Variants in DOCK3 observed in about 807,000 individuals in gnomAD.
DOCK3 encodes dedicator of cytokinesis 3.
Under a neutral mutation model 265.6 loss-of-function variants are expected in DOCK3, and 60 were observed. The observed-to-expected ratio is 0.23, with a 90% confidence interval of 0.18 to 0.28. DOCK3 has a LOEUF of 0.28. DOCK3 is among the 10% of genes least tolerant of loss of function. The pLI is 1.00. For synonymous variants in DOCK3, 881 were observed against 938.0 expected, an observed-to-expected ratio of 0.94 and a Z score of 1.11; for missense variants, 1,981 against 2,594.3, an observed-to-expected ratio of 0.76 and a Z score of 5.14.
intron 40 of DOCK3, 144 bp downstream of exon 40, chr3:51,350,536 T>A (rs1030373552): frequency 7.3e-5 from 65 of 886,066 alleles, no homozygotes; most frequent in Admixed American, 1.2e-4. Flanking sequence ...GCATTTGGTT[T>A]TATTTGACTG....
intron 1 of DOCK3, among the ~76,000 whole-genome samples, chr3:50,763,594 T>C (rs1020033271): frequency 1.3e-5 from 2 of 152,204 alleles, no homozygotes; most frequent in African/African-American, 2.4e-5. Context: ...CTATTTCTTC[T>C]TGAGTCAGTT....
intron 2 of DOCK3, among the ~76,000 whole-genome samples, chr3:50,832,904 T>A (rs998259197): frequency 6.6e-6 from 1 of 152,120 alleles, no homozygotes; most frequent in African/African-American, 2.4e-5. Context: ...TCAACAAAGG[T>A]GATATCTGGA....
At chr3:51,080,460 A>T (rs887941220) in intron 7 of DOCK3, among the ~76,000 whole-genome samples, 2 of 152,204 alleles carry the variant, frequency 1.3e-5, no homozygotes, top group Non-Finnish European at 2.9e-5. Flanking sequence ...TACAACCCTA[A>T]TAGAGGTGAT....
intron 1 of DOCK3, among the ~76,000 whole-genome samples, chr3:50,712,391 G>A (rs1178593135): frequency 6.6e-6 from 1 of 152,168 alleles, no homozygotes; most frequent in Admixed American, 6.5e-5. Context: ...AGGCTGTAGT[G>A]CAGTGGCATG....
intron 5 of DOCK3, among the ~76,000 whole-genome samples, chr3:51,001,991 G>A (rs568812645): frequency 6.6e-6 from 1 of 152,066 alleles, no homozygotes; most frequent in Non-Finnish European, 1.5e-5. Flanking sequence ...ATTTTTATAG[G>A]GATTGCATTG....
chr3:51,019,711 T>C (rs963905847), intron 5 of DOCK3, among the ~76,000 whole-genome samples: 5 of 60,302 alleles, frequency 8.3e-5, no homozygotes, highest in African/African-American at 4.2e-4. Context: ...CTCCCACTTA[T>C]AAGTGAGAAC....
intron 21 of DOCK3, among the ~76,000 whole-genome samples, chr3:51,245,834 C>T (rs1247872760): frequency 5.9e-5 from 9 of 152,046 alleles, no homozygotes; most frequent in South Asian, 2.1e-4. Context: ...GCTTTATATG[C>T]GTCTTTCTAT....
At chr3:50,850,442 A>G (rs1332203501) in intron 3 of DOCK3, among the ~76,000 whole-genome samples, 2 of 151,608 alleles carry the variant, frequency 1.3e-5, no homozygotes, top group Non-Finnish European at 2.9e-5. Context: ...CATGCTTTGA[A>G]TTCTTTATCT....
intron 9 of DOCK3, among the ~76,000 whole-genome samples, chr3:51,100,017 ATTTAC>A (rs1469867202): frequency 7.0e-6 from 1 of 142,646 alleles, no homozygotes; most frequent in Non-Finnish European, 1.5e-5. Context: ...TGTCACCCTT[ATTTAC>A]TTAAGGATAA....
At chr3:50,988,935 T>C (rs1302335665) in intron 5 of DOCK3, among the ~76,000 whole-genome samples, 1 of 152,070 alleles carries the variant, frequency 6.6e-6, no homozygotes. Context: ...ACAGAAAGCC[T>C]CTCTGGCACT....
intron 2 of DOCK3, among the ~76,000 whole-genome samples, chr3:50,812,414 G>T (rs961541643): frequency 6.6e-6 from 1 of 152,170 alleles, no homozygotes; most frequent in African/African-American, 2.4e-5. Flanking sequence ...CAAGAGAAGC[G>T]TTTTGTGTGT....
intron 9 of DOCK3, among the ~76,000 whole-genome samples, chr3:51,095,071 G>A (rs1003172131): frequency 2.0e-5 from 3 of 149,360 alleles, no homozygotes; most frequent in Non-Finnish European, 4.4e-5. Context: ...GTGTGTCTTT[G>A]CATGTGAGAA....
At chr3:51,264,113 C>A (rs1009459743) in intron 23 of DOCK3, among the ~76,000 whole-genome samples, 1 of 152,224 alleles carries the variant, frequency 6.6e-6, no homozygotes, top group Non-Finnish European at 1.5e-5. Flanking sequence ...AATATACATT[C>A]TTCTCAGCAC....
intron 31 of DOCK3, among the ~76,000 whole-genome samples, chr3:51,314,021 T>G (rs2083234476): frequency 6.6e-6 from 1 of 152,186 alleles, no homozygotes. Context: ...TTTCTTTTGG[T>G]GGAAATGACA....
At chr3:50,973,117 TTTTTTGTAG>T in intron 5 of DOCK3, among the ~76,000 whole-genome samples, 1 of 146,850 alleles carries the variant, frequency 6.8e-6, no homozygotes, top group Non-Finnish European at 1.5e-5. Flanking sequence ...TTTCTTTTTT[TTTTTTGTAG>T]TTTTCTTTTT....
intron 12 of DOCK3, among the ~76,000 whole-genome samples, chr3:51,190,317 A>G (rs2087869275): frequency 6.6e-6 from 1 of 152,158 alleles, no homozygotes; most frequent in African/African-American, 2.4e-5. Context: ...CAAGAGATCC[A>G]GTGATATGAC....
At chr3:50,703,179 C>A (rs1358411936) in intron 1 of DOCK3, among the ~76,000 whole-genome samples, 1 of 152,092 alleles carries the variant, frequency 6.6e-6, no homozygotes, top group African/African-American at 2.4e-5. Flanking sequence ...TCCTTGCAAT[C>A]CCTGTTATAG....
At chr3:50,766,296 C>T (rs563551575) in intron 1 of DOCK3, among the ~76,000 whole-genome samples, 4 of 139,052 alleles carry the variant, frequency 2.9e-5, no homozygotes, top group Admixed American at 7.5e-5. Context: ...CAACAGGCCC[C>T]GGTGTGTGAT....
chr3:50,757,163 CT>C (rs34435343), intron 1 of DOCK3, among the ~76,000 whole-genome samples: 9 of 81,626 alleles, frequency 1.1e-4, no homozygotes, highest in African/African-American at 4.0e-4. Flanking sequence ...AGATTGTCGT[CT>C]TTTTTTTTTT....
Sources: allele counts gnomAD v4.1 joint callset (sites outside exome capture counted in the v4.1 genomes callset), GRCh38; gene constraint gnomAD v4.1.1; transcripts MANE v1.5; gene names NCBI Gene and HGNC (gene_info 2026-07-23, HGNC 2026-07-21).